PRKCA: variants seen among roughly 807,000 people sequenced by gnomAD.
PRKCA encodes the protein protein kinase C alpha.
PRKCA carries 27 observed loss-of-function variants against 87.0 expected under a neutral mutation model. The observed-to-expected ratio is 0.31, with a 90% CI of 0.23 to 0.43. PRKCA has a LOEUF of 0.43. Among genes scored for constraint, PRKCA ranks in the 20% least tolerant of loss-of-function variants. The pLI, the probability that PRKCA is intolerant of heterozygous loss-of-function variation, is 1.00. For missense variants in PRKCA, 518 were observed against 852.3 expected, an observed-to-expected ratio of 0.61 and a Z score of 4.88; for synonymous variants, 329 against 311.1, an observed-to-expected ratio of 1.06 and a Z score of -0.61.
chr17:66,592,343 CAAAAAA>C (rs71160581), intron 3 of PRKCA, among the ~76,000 whole-genome samples: 2 of 82,384 alleles, frequency 2.4e-5, no homozygotes, highest in African/African-American at 1.2e-4. Context: ...TGATCCGTCT[CAAAAAA>C]AAAAAAAAAA....
At chr17:66,582,717 G>A (rs1050408299) in intron 3 of PRKCA, among the ~76,000 whole-genome samples, 2 of 152,196 alleles carry the variant, frequency 1.3e-5, no homozygotes, top group Non-Finnish European at 2.9e-5. Flanking sequence ...AGTTTGTGTA[G>A]TTTTCCATTC....
intron 3 of PRKCA, among the ~76,000 whole-genome samples, chr17:66,582,229 G>A (rs975701620): frequency 6.6e-6 from 1 of 152,180 alleles, no homozygotes; most frequent in Admixed American, 6.5e-5. Context: ...GGATACTTCT[G>A]TATTAACTAC....
intron 13 of PRKCA, among the ~76,000 whole-genome samples, chr17:66,750,647 C>T (rs1292306094): frequency 6.6e-6 from 1 of 152,170 alleles, no homozygotes; most frequent in African/African-American, 2.4e-5. Context: ...TCTGAGCCTC[C>T]CCACTTCCAA....
At chr17:66,770,687 T>C (rs1348174524) in intron 13 of PRKCA, among the ~76,000 whole-genome samples, 1 of 152,212 alleles carries the variant, frequency 6.6e-6, no homozygotes, top group Admixed American at 6.5e-5. Context: ...TGGTAGTGTC[T>C]GCCACGGCAG....
At chr17:66,728,242 G>A (rs754948588) in intron 8 of PRKCA, among the ~76,000 whole-genome samples, 13 of 152,190 alleles carry the variant, frequency 8.5e-5, no homozygotes, top group Non-Finnish European at 1.5e-4. Flanking sequence ...GGCTGGCTTG[G>A]GCTGGGGAGA....
At chr17:66,354,571 A>G (rs549792466) in intron 2 of PRKCA, among the ~76,000 whole-genome samples, 13 of 152,202 alleles carry the variant, frequency 8.5e-5, no homozygotes, top group Non-Finnish European at 1.9e-4. Flanking sequence ...GTCCTGGACC[A>G]GCCTTGGTTC....
intron 8 of PRKCA, among the ~76,000 whole-genome samples, chr17:66,714,980 A>G (rs59233336): frequency 0.055 from 8,413 of 152,290 alleles, 771 homozygotes; most frequent in African/African-American, 0.19. Flanking sequence ...GATGAAATCA[A>G]TGATTATGGA....
At chr17:66,642,768 G>T (rs560217615) in intron 4 of PRKCA, among the ~76,000 whole-genome samples, 1 of 127,064 alleles carries the variant, frequency 7.9e-6, no homozygotes, top group African/African-American at 3.6e-5. Flanking sequence ...TTCAAGAAAC[G>T]CTGGGATTTC....
chr17:66,631,010 T>C (rs1970996140), intron 3 of PRKCA, among the ~76,000 whole-genome samples: 1 of 152,094 alleles, frequency 6.6e-6, no homozygotes, highest in African/African-American at 2.4e-5. Context: ...CAAACAGAAA[T>C]GATGACACCA....
At chr17:66,513,158 A>G (rs971322613) in intron 3 of PRKCA, among the ~76,000 whole-genome samples, 1 of 152,200 alleles carries the variant, frequency 6.6e-6, no homozygotes, top group African/African-American at 2.4e-5. Context: ...ATGGTGCCTG[A>G]TGTGTGGTAG....
chr17:66,551,615 G>A (rs750385256), intron 3 of PRKCA, among the ~76,000 whole-genome samples: 8 of 152,122 alleles, frequency 5.3e-5, no homozygotes, highest in Non-Finnish European at 7.4e-5. Context: ...TACTTGAAGT[G>A]AGTCACTAGG....
At chr17:66,587,797 ACG>A (rs1307541660) in intron 3 of PRKCA, among the ~76,000 whole-genome samples, 4,762 of 132,160 alleles carry the variant, frequency 0.036, 404 homozygotes, top group Non-Finnish European at 0.055. Context: ...ATACATATAT[ACG>A]TATATGTGTG....
At chr17:66,766,542 C>T (rs1173205389) in intron 13 of PRKCA, among the ~76,000 whole-genome samples, 1 of 152,156 alleles carries the variant, frequency 6.6e-6, no homozygotes, top group Non-Finnish European at 1.5e-5. Context: ...TCAGCCCTGC[C>T]ACTGTTAAAA....
intron 13 of PRKCA, among the ~76,000 whole-genome samples, chr17:66,756,642 A>G (rs1974554366): frequency 6.6e-6 from 1 of 151,536 alleles, no homozygotes; most frequent in Non-Finnish European, 1.5e-5. Context: ...GATAACCAGG[A>G]GTTTTGTTTT....
chr17:66,735,920 C>CTTTTTTTTTTTTTTTTTTTTT (rs5821508), intron 10 of PRKCA, among the ~76,000 whole-genome samples: 1 of 122,116 alleles, frequency 8.2e-6, no homozygotes, highest in Non-Finnish European at 1.6e-5. Context: ...TTCTTTCTTT[C>CTTTTTTTTTTTTTTTTTTTTT]TTTTTTTTTT....
At chr17:66,476,132 T>C (rs1032856666) in intron 2 of PRKCA, among the ~76,000 whole-genome samples, 43 of 152,274 alleles carry the variant, frequency 2.8e-4, no homozygotes, top group Admixed American at 1.6e-3. Context: ...ACTCCTGACC[T>C]CAAGTGATTC....
chr17:66,775,340 C>G (rs995695203), intron 14 of PRKCA: 1 of 985,154 alleles, frequency 1.0e-6, no homozygotes, highest in Non-Finnish European at 1.2e-6. Flanking sequence ...GAGCACAGAT[C>G]AGTTACATAG....
intron 3 of PRKCA, among the ~76,000 whole-genome samples, chr17:66,522,052 C>T (rs1967176915): frequency 6.6e-6 from 1 of 152,186 alleles, no homozygotes; most frequent in Admixed American, 6.5e-5. Flanking sequence ...CCATCTTAGC[C>T]ATATTTTAGC....
At chr17:66,489,719 C>T (rs950055882) in intron 2 of PRKCA, among the ~76,000 whole-genome samples, 5 of 151,564 alleles carry the variant, frequency 3.3e-5, no homozygotes, top group African/African-American at 9.7e-5. Flanking sequence ...TTTCTTTCAT[C>T]CTTTCTTTTC....
Sources: gnomAD v4.1 joint callset for allele counts (sites outside exome capture counted in the v4.1 genomes callset) on GRCh38, gnomAD v4.1.1 for gene constraint, MANE v1.5 for transcripts, NCBI Gene and HGNC (gene_info 2026-07-23, HGNC 2026-07-21) for gene names.